The following TADA2A variants were observed in gnomAD, a reference collection of about 807,000 sequenced individuals.
The protein encoded by TADA2A is transcriptional adapter 2-alpha.
TADA2A carries 38 observed loss-of-function variants against 67.4 expected under a neutral mutation model. The observed-to-expected ratio is 0.56, with a 90% confidence interval of 0.44 to 0.74. The LOEUF is 0.74. Ranked by LOEUF, TADA2A falls within the 30% of genes least tolerant of loss-of-function variation. The pLI is 0.00. For missense variants in TADA2A, 454 were observed against 547.0 expected (o/e 0.83, Z 1.70); for synonymous variants, 192 against 181.6 (o/e 1.06, Z -0.46).
At chr17:37,468,797 G>C (rs1351827759) in intron 12 of TADA2A, among the ~76,000 whole-genome samples, 1 of 152,054 alleles carries the variant, frequency 6.6e-6, no homozygotes, top group Non-Finnish European at 1.5e-5. Flanking sequence ...CTGTTGTTTT[G>C]CTGTCATTGT....
chr17:37,459,189 A>C (rs1205290934), intron 9 of TADA2A, among the ~76,000 whole-genome samples: 2 of 152,080 alleles, frequency 1.3e-5, no homozygotes, highest in African/African-American at 4.8e-5. Context: ...ACACTGTTTT[A>C]AGCTATTTGA....
chr17:37,475,165 A>T (rs1384561751), intron 15 of TADA2A, among the ~76,000 whole-genome samples: 3 of 151,004 alleles, frequency 2.0e-5, no homozygotes, highest in Admixed American at 6.6e-5. Flanking sequence ...TTTTATTTTT[A>T]TTTTTTTTTA....
intron 3 of TADA2A, among the ~76,000 whole-genome samples, chr17:37,425,445 G>T (rs1314141981): frequency 2.0e-5 from 3 of 152,078 alleles, no homozygotes; most frequent in South Asian, 2.1e-4. Flanking sequence ...CCTATGATTA[G>T]TATCCCCATT....
At chr17:37,436,582 C>G (rs1377192092) in intron 4 of TADA2A, 1 of 151,972 alleles carries the variant, frequency 6.6e-6, no homozygotes, top group Non-Finnish European at 1.5e-5. Context: ...TTGTCTTGAA[C>G]TCCTGACCTC....
At chr17:37,469,589 C>T (rs982444983) in intron 12 of TADA2A, among the ~76,000 whole-genome samples, 36 of 152,170 alleles carry the variant, frequency 2.4e-4, no homozygotes, top group African/African-American at 5.8e-4. Flanking sequence ...GCCGAGATCG[C>T]GCCATTGCAC....
chr17:37,469,858 G>T (rs1396979697), intron 12 of TADA2A, among the ~76,000 whole-genome samples: 1 of 152,136 alleles, frequency 6.6e-6, no homozygotes, highest in Non-Finnish European at 1.5e-5. Flanking sequence ...AAAACACCAC[G>T]CAGCTCTTCT....
chr17:37,454,684 GA>G, intron 8 of TADA2A: 1 of 306,062 alleles, frequency 3.3e-6, no homozygotes, highest in Non-Finnish European at 6.8e-6. Flanking sequence ...AAATTCAAAA[GA>G]AAAGAACCTG....
At chr17:37,459,422 A>G (rs904375688) in intron 9 of TADA2A, among the ~76,000 whole-genome samples, 1 of 151,700 alleles carries the variant, frequency 6.6e-6, no homozygotes, top group Non-Finnish European at 1.5e-5. Context: ...GGCTGGGACT[A>G]TAGGTGTGCA....
chr17:37,415,319 G>C (rs1301819032), intron 2 of TADA2A, among the ~76,000 whole-genome samples: 1 of 152,098 alleles, frequency 6.6e-6, no homozygotes, highest in East Asian at 1.9e-4. Flanking sequence ...GTATTAGTTG[G>C]TAGAGGTTGT....
At chr17:37,461,791 CAT>C (rs1330469388) in intron 9 of TADA2A, 11 of 268,610 alleles carry the variant, frequency 4.1e-5, no homozygotes, top group South Asian at 2.1e-4. Context: ...AAGTGACAGA[CAT>C]GTGTTTTTCA....
intron 8 of TADA2A, chr17:37,450,530 A>C (rs1046997781): frequency 2.1e-4 from 32 of 152,238 alleles, no homozygotes; most frequent in African/African-American, 7.5e-4. Context: ...CCACTTCTTG[A>C]AATATTTTAA....
chr17:37,416,828 A>C (rs879301324), intron 2 of TADA2A, among the ~76,000 whole-genome samples: 7 of 150,624 alleles, frequency 4.6e-5, no homozygotes, highest in Non-Finnish European at 8.9e-5. Context: ...TCGCACCACT[A>C]CACTCCAGCC....
intron 4 of TADA2A, among the ~76,000 whole-genome samples, chr17:37,429,522 T>C (rs2052510646): frequency 6.6e-6 from 1 of 152,092 alleles, no homozygotes. Context: ...GTTCAAGTTA[T>C]CCTTCCACCT....
intron 10 of TADA2A, among the ~76,000 whole-genome samples, chr17:37,464,198 T>C (rs1050789978): frequency 3.3e-5 from 5 of 152,220 alleles, no homozygotes; most frequent in Non-Finnish European, 7.3e-5. Flanking sequence ...GTTGCTGCTC[T>C]GGTGTCTCTG....
intron 4 of TADA2A, chr17:37,436,598 A>T (rs1435825063): frequency 1.3e-5 from 2 of 151,946 alleles, no homozygotes; most frequent in African/African-American, 4.9e-5. Flanking sequence ...ACCTCAAGAG[A>T]TCCACCTGCC....
intron 3 of TADA2A, among the ~76,000 whole-genome samples, chr17:37,425,287 T>C (rs1239256884): frequency 6.6e-6 from 1 of 152,228 alleles, no homozygotes; most frequent in African/African-American, 2.4e-5. Context: ...AAGACTGATC[T>C]CTGTACAGAT....
At chr17:37,474,734 C>G (rs1429584909) in intron 15 of TADA2A, 105 bp downstream of exon 15, 1 of 1,225,528 alleles carries the variant, frequency 8.2e-7, no homozygotes, top group African/African-American at 1.5e-5. Flanking sequence ...TTTCATTCAT[C>G]TAACATATAT....
intron 2 of TADA2A, among the ~76,000 whole-genome samples, chr17:37,422,652 G>A (rs1251354334): frequency 2.0e-5 from 3 of 152,046 alleles, no homozygotes; most frequent in South Asian, 4.1e-4. Context: ...ATTATAGGCT[G>A]CGCCCCCATC....
intron 1 of TADA2A, among the ~76,000 whole-genome samples, chr17:37,410,223 C>T (rs2051819160): frequency 1.3e-5 from 2 of 151,986 alleles, no homozygotes; most frequent in South Asian, 4.1e-4. Context: ...CTTAGTCTGT[C>T]CTCCAAGCTG....
Sources: allele counts gnomAD v4.1 joint callset (sites outside exome capture counted in the v4.1 genomes callset), GRCh38; gene constraint gnomAD v4.1.1; transcripts MANE v1.5; gene names NCBI Gene and HGNC (gene_info 2026-07-23, HGNC 2026-07-21).